Variants in FRYL observed in about 807,000 individuals in gnomAD.
The protein encoded by FRYL is FRY like transcription coactivator.
A neutral mutation model predicts 351.2 loss-of-function variants in FRYL; 150 were observed. The ratio of observed to expected loss-of-function variants is 0.43; its 90% CI spans 0.37 to 0.49. The LOEUF (loss-of-function observed/expected upper bound fraction) is 0.49, where lower values mean the gene tolerates loss of function less well. Among genes scored for constraint, FRYL ranks in the 20% least tolerant of loss-of-function variants. The pLI is 0.00. For synonymous variants in FRYL, 1,153 were observed against 1,257.1 expected (o/e 0.92, Z 1.75); for missense variants, 3,036 against 3,619.3 (o/e 0.84, Z 4.13).
intron 39 of FRYL, 72 bp from the exon 40 acceptor site, chr4:48,548,865 T>C: frequency 3.5e-6 from 3 of 855,096 alleles, no homozygotes; most frequent in East Asian, 5.2e-5. Context: ...GGTACAAAAT[T>C]ACTTGAAGAC....
Position 48,549,418 on chromosome 4 carries a change from A to G in FRYL, c.4784+55T>C. 6.6e-7 allele frequency: 1 copy of G among 1,522,484 alleles called. No homozygotes were observed. 94.3% of individuals were successfully genotyped at this position (1,522,484 alleles called of 1,614,324 possible). A position where few individuals can be genotyped will look rare whatever the true frequency, so the allele number is the denominator to read the frequency against. On this transcript the variant is annotated intron_variant, in intron 39 of 63. Coordinates refer to ENST00000358350, the MANE Select transcript of FRYL (RefSeq NM_015030.2). The surrounding 1 kb of genome is among the most constrained non-coding windows in gnomAD (Gnocchi z 4.2). ...TTGTCAGATAGCACAAAGAAAGCCG[A>G]CAGTGTTCAGCAGCAACTTGGTGCA...
intron 3 of FRYL, among the ~76,000 whole-genome samples, chr4:48,641,875 C>T (rs1755400429): frequency 6.6e-6 from 1 of 152,012 alleles, no homozygotes; most frequent in African/African-American, 2.4e-5. Flanking sequence ...AAAAAGTTTC[C>T]CCATTTTGAT....
intron 53 of FRYL, among the ~76,000 whole-genome samples, chr4:48,525,007 A>G (rs1725702901): frequency 1.3e-5 from 2 of 151,102 alleles, no homozygotes; most frequent in South Asian, 2.1e-4. Flanking sequence ...TTCCTACAAT[A>G]TATTTTTTCA....
chr4:48,605,878 G>A, intron 10 of FRYL, 45 bp from the exon 11 acceptor site: 1 of 1,164,892 alleles, frequency 8.6e-7, no homozygotes. Flanking sequence ...AAAGAGGAAA[G>A]GTTAAAGAAT....
intron 48 of FRYL, 144 bp from the exon 49 acceptor site, chr4:48,534,829 A>G (rs563888348): frequency 1.5e-5 from 8 of 548,276 alleles, no homozygotes; most frequent in African/African-American, 1.3e-4. Context: ...AGACTAATAA[A>G]GTGAAAGGCA....
At chr4:48,518,587 G>C (rs1160427510) in intron 55 of FRYL, among the ~76,000 whole-genome samples, 3 of 151,278 alleles carry the variant, frequency 2.0e-5, no homozygotes, top group South Asian at 2.1e-4. Flanking sequence ...TGTGACACAT[G>C]TCATGACAGT....
intron 47 of FRYL, among the ~76,000 whole-genome samples, chr4:48,539,732 AAGACTC>A (rs1026663951): frequency 6.6e-6 from 1 of 152,186 alleles, no homozygotes; most frequent in Non-Finnish European, 1.5e-5. Flanking sequence ...AGAGCAGAAA[AAGACTC>A]AGACTCAGAG....
At chr4:48,609,145 C>T (rs1747500627) in intron 8 of FRYL, 78 bp from the exon 9 acceptor site, 4 of 831,078 alleles carry the variant, frequency 4.8e-6, no homozygotes, top group Non-Finnish European at 8.1e-6. Context: ...TATGAAAATT[C>T]CTTATCAGAG....
chr4:48,751,820 C>A (rs1360907126), intron 1 of FRYL, among the ~76,000 whole-genome samples: 1 of 146,436 alleles, frequency 6.8e-6, no homozygotes, highest in Non-Finnish European at 1.5e-5. Context: ...CTCCCTTATG[C>A]CTTGCTAAAG....
rs986859691 is a variant in FRYL, at chr4:48,610,805, A to G, written c.412-982T>C. Among the ~76,000 whole-genome samples the G allele has an allele frequency of 4.7e-5, 7 of 147,666 alleles. No homozygotes were observed. The East Asian group carries it at 5.9e-4, about 12-fold the overall frequency. On this transcript the variant is annotated intron_variant, in intron 7 of 63. Coordinates refer to ENST00000358350, the MANE Select transcript of FRYL (RefSeq NM_015030.2). ...ATATTGTATATATTGAAATATGTAT[A>G]TATGTATATATGTATACACTCAATA...
At chr4:48,633,694 T>G (rs1578444973) in intron 4 of FRYL, among the ~76,000 whole-genome samples, 1 of 152,204 alleles carries the variant, frequency 6.6e-6, no homozygotes, top group Non-Finnish European at 1.5e-5. Flanking sequence ...ATTTTACTTC[T>G]GTTATTTCTC....
intron 12 of FRYL, 84 bp from the exon 13 acceptor site, chr4:48,602,205 A>C: frequency 2.9e-6 from 2 of 700,812 alleles, no homozygotes; most frequent in Non-Finnish European, 5.1e-6. Flanking sequence ...ATTTATTCTC[A>C]TAAGCAAGGA....
chr4:48,510,283 C>T, intron 58 of FRYL, 126 bp from the exon 59 acceptor site: 4 of 699,826 alleles, frequency 5.7e-6, no homozygotes, highest in Non-Finnish European at 2.5e-6. Context: ...CTTAACTCTA[C>T]TCTGTCCCAT....
chr4:48,569,724 C>T (rs567270559), intron 27 of FRYL, among the ~76,000 whole-genome samples: 7 of 152,216 alleles, frequency 4.6e-5, no homozygotes, highest in African/African-American at 1.4e-4. Context: ...GAAAGGTGTT[C>T]GGTAAAATAA....
chr4:48,547,697 C>A lies in FRYL; in HGVS notation c.4961G>T (p.Gly1654Val). Residue 1654 changes from glycine (G) to valine (V), a missense_variant, in exon 41 of 64, where the codon GGA (glycine) becomes GTA (valine). Around this residue, in one of 7 missense-constraint regions of FRYL, gnomAD observed 1,987 missense variants for 2,311.7 expected, o/e 0.86. Transcript: ENST00000358350. ...RLLLHLLIVM[G>V]PNSNIRTVAS... ...AACAGTTCGGATGTTACTATTGGGTCCCATTACTATTAATAAGTGCAGAAG... is the reference window on the plus strand; with the variant it reads ...AACAGTTCGGATGTTACTATTGGGTACCATTACTATTAATAAGTGCAGAAG... 1.2e-6 allele frequency: 2 copies of A among 1,603,602 alleles called. No homozygotes were observed. Among genetic ancestry groups the A allele is most frequent in the Non-Finnish European group, 1.7e-6 (2 of 1,172,848 alleles).
intron 3 of FRYL, among the ~76,000 whole-genome samples, chr4:48,656,787 G>T (rs576933939): frequency 1.3e-5 from 2 of 150,366 alleles, no homozygotes; most frequent in East Asian, 3.9e-4. Flanking sequence ...TGGAACACAC[G>T]CAAGAAATTA....
chr4:48,632,083 A>T (rs1274732435), intron 4 of FRYL, among the ~76,000 whole-genome samples: 19 of 29,988 alleles, frequency 6.3e-4, no homozygotes, highest in Non-Finnish European at 1.2e-3. Flanking sequence ...AAAAAAAAAA[A>T]AAAAAAAAAT....
intron 1 of FRYL, among the ~76,000 whole-genome samples, chr4:48,778,469 A>C (rs769732161): frequency 6.6e-6 from 1 of 152,262 alleles, no homozygotes; most frequent in Non-Finnish European, 1.5e-5. Context: ...AAAAAAGACC[A>C]GAGAATAACA....
At chr4:48,756,304 T>A (rs993330665) in intron 1 of FRYL, among the ~76,000 whole-genome samples, 7 of 151,886 alleles carry the variant, frequency 4.6e-5, no homozygotes, top group Admixed American at 4.6e-4. Context: ...TTGTTTCCAA[T>A]AATGTAGATT....
Sources: gnomAD v4.1 joint callset for allele counts (sites outside exome capture counted in the v4.1 genomes callset) on GRCh38, gnomAD v4.1.1 for gene constraint, gnomAD v4.1.1 regional missense constraint, Gnocchi (gnomAD v3.1) non-coding constraint, MANE v1.5 for transcripts, NCBI Gene and HGNC (gene_info 2026-07-23, HGNC 2026-07-21) for gene names.